CDH11: variants seen among roughly 807,000 people sequenced by gnomAD.
CDH11 encodes cadherin-11.
A neutral mutation model predicts 67.8 loss-of-function variants in CDH11; 11 were observed. The ratio of observed to expected loss-of-function variants is 0.16; its 90% CI spans 0.10 to 0.27. CDH11 has a LOEUF of 0.27. Ranked by LOEUF, CDH11 falls within the 10% of genes least tolerant of loss-of-function variation. The pLI, the probability that CDH11 is intolerant of heterozygous loss-of-function variation, is 1.00. For synonymous variants in CDH11, 419 were observed against 400.0 expected, an observed-to-expected ratio of 1.05 and a Z score of -0.57; for missense variants, 847 against 1,031.2, an observed-to-expected ratio of 0.82 and a Z score of 2.45.
chr16:64,978,771 A>G (rs1225831224), intron 8 of CDH11, among the ~76,000 whole-genome samples: 2 of 152,232 alleles, frequency 1.3e-5, no homozygotes, highest in Non-Finnish European at 1.5e-5. Flanking sequence ...CTGACAACAT[A>G]CATAAAATTA....
At chr16:65,055,153 C>T (rs368057910) in intron 1 of CDH11, among the ~76,000 whole-genome samples, 4 of 152,302 alleles carry the variant, frequency 2.6e-5, no homozygotes, top group East Asian at 3.9e-4. Context: ...CAATGCATAA[C>T]GAATGAGGAA....
chr16:65,028,601 T>G (rs2073579111), intron 2 of CDH11, among the ~76,000 whole-genome samples: 1 of 152,194 alleles, frequency 6.6e-6, no homozygotes, highest in Non-Finnish European at 1.5e-5. Context: ...GTCCTACGGC[T>G]GAGTGCTTAC....
intron 1 of CDH11, among the ~76,000 whole-genome samples, chr16:65,085,973 T>C (rs540512390): frequency 2.2e-4 from 33 of 152,338 alleles, no homozygotes; most frequent in Admixed American, 5.2e-4. Flanking sequence ...TCAACTCAAC[T>C]AGCTTTAACT....
intron 2 of CDH11, 98 bp from the exon 3 acceptor site, chr16:65,005,139 G>T: frequency 8.9e-7 from 1 of 1,121,866 alleles, no homozygotes; most frequent in Non-Finnish European, 1.1e-6. Context: ...AGTTTATCAC[G>T]TGGGAGCTAC....
upstream of CDH11, among the ~76,000 whole-genome samples, chr16:65,122,657 T>G (rs1301739990): frequency 6.6e-6 from 1 of 151,048 alleles, no homozygotes; most frequent in African/African-American, 2.4e-5. Context: ...CCCCTCTCAA[T>G]CTCCCATCCC....
At chr16:65,110,240 G>C (rs2075133587) in intron 1 of CDH11, among the ~76,000 whole-genome samples, 1 of 152,052 alleles carries the variant, frequency 6.6e-6, no homozygotes, top group Non-Finnish European at 1.5e-5. Context: ...CATTCTATAT[G>C]GCCTTTGAGA....
Position 64,998,861 on chromosome 16 carries a change from A to G in CDH11, c.229-5T>C. On this transcript the variant is annotated splice_region_variant and splice_polypyrimidine_tract_variant and intron_variant, in intron 3 of 12. Coordinates refer to ENST00000268603, the MANE Select transcript of CDH11 (RefSeq NM_001797.4). ...AGAGTCAATATCTGAATGAAGCTGG[A>G]AGAAAGAGAAATTGAGATTTTTAAT... The G allele has an allele frequency of 6.2e-7, 1 of 1,611,040 alleles. No homozygotes were observed. The highest frequency in any genetic ancestry group is 8.5e-7 in the Non-Finnish European group (1 of 1,177,624).
chr16:64,948,867 G>A lies in CDH11; in HGVS notation c.1895-768C>T, dbSNP rs1379459664. The A allele has an allele frequency of 7.0e-6, 7 of 1,004,696 alleles. No homozygotes were observed. In the Admixed American group the frequency reaches 1.1e-4, roughly 15 times the overall value. 62.2% of individuals were successfully genotyped at this position (1,004,696 alleles called of 1,614,324 possible). On this transcript the variant is annotated intron_variant, in intron 12 of 12. Transcript: ENST00000268603. ...TTCATTGATTCCCTCTTTTCCCCAA[G>A]AGGCTTCTACAATATTCCATTAGAA...
At chr16:65,107,909 AGCTATTTATCAGCAAT>A in intron 1 of CDH11, among the ~76,000 whole-genome samples, 1 of 152,296 alleles carries the variant, frequency 6.6e-6, no homozygotes, top group Middle Eastern at 3.4e-3. Context: ...AAGGCCACAC[AGCTATTTATCAGCAAT>A]GCCAGCATTG....
At chr16:65,019,083 A>G (rs949358540) in intron 2 of CDH11, among the ~76,000 whole-genome samples, 2 of 152,226 alleles carry the variant, frequency 1.3e-5, no homozygotes, top group Non-Finnish European at 2.9e-5. Context: ...ATTTATACAA[A>G]TAAAACCCAA....
chr16:65,017,816 A>T (rs142289265), intron 2 of CDH11, among the ~76,000 whole-genome samples: 3 of 152,286 alleles, frequency 2.0e-5, no homozygotes, highest in Non-Finnish European at 4.4e-5. Flanking sequence ...AGTCAATCTA[A>T]ATTGCAGAAA....
intron 2 of CDH11, among the ~76,000 whole-genome samples, chr16:65,044,160 C>A (rs1014783700): frequency 1.3e-5 from 2 of 152,090 alleles, no homozygotes; most frequent in Non-Finnish European, 2.9e-5. Context: ...CTTATTCCTG[C>A]GAAAGCCTGT....
At chr16:65,065,186 G>A (rs2074293586) in intron 1 of CDH11, among the ~76,000 whole-genome samples, 1 of 152,162 alleles carries the variant, frequency 6.6e-6, no homozygotes, top group Admixed American at 6.5e-5. Context: ...AAGCCCTACA[G>A]GAAAGTAGGT....
chr16:64,979,956 A>C (rs1050955737), intron 8 of CDH11, among the ~76,000 whole-genome samples: 4 of 152,234 alleles, frequency 2.6e-5, no homozygotes, highest in African/African-American at 9.6e-5. Flanking sequence ...ACATGCAAAA[A>C]TTCAGTTACA....
chr16:65,123,582 G>A (rs1198695820), upstream of CDH11: 8 of 152,250 alleles, frequency 5.3e-5, no homozygotes, highest in Admixed American at 2.6e-4. Context: ...ACCAGCCCGC[G>A]GGTCCCGAGC....
chr16:65,090,221 C>T (rs1169192192), intron 1 of CDH11, among the ~76,000 whole-genome samples: 1 of 151,518 alleles, frequency 6.6e-6, no homozygotes, highest in Non-Finnish European at 1.5e-5. Flanking sequence ...AAATCTAGAC[C>T]TTAAGTGTCA....
In CDH11 at chr16:64,946,700, G is replaced by A. The variant is rs1223700713; in HGVS notation, c.*903C>T. The stretch of plus-strand genomic sequence containing the variant: ...CAGATCATAAATAGGGTTATTAAAA[G>A]ATCACAATTAAATTAGAAATATAAA... On this transcript the variant is annotated 3_prime_UTR_variant, in exon 13 of 13. Transcript: ENST00000268603. 1 of 938,158 alleles carries A rather than the reference G, an allele frequency of 1.1e-6. No individual in the cohort carries two copies. Among genetic ancestry groups the A allele is most frequent in the African/African-American group, 1.8e-5 (1 of 57,000 alleles). 58.1% of individuals were successfully genotyped at this position (938,158 alleles called of 1,614,324 possible).
intron 1 of CDH11, among the ~76,000 whole-genome samples, chr16:65,085,402 C>T (rs531302697): frequency 1.3e-5 from 2 of 152,314 alleles, no homozygotes; most frequent in Admixed American, 1.3e-4. Context: ...TGTAAAATGA[C>T]ATCAGTAATT....
intron 3 of CDH11, among the ~76,000 whole-genome samples, chr16:65,004,247 C>A (rs892173929): frequency 1.3e-5 from 2 of 152,078 alleles, no homozygotes; most frequent in African/African-American, 2.4e-5. Flanking sequence ...GTGGCATGAA[C>A]CTGTAGTCCC....
Sources: gnomAD v4.1 joint callset for allele counts (sites outside exome capture counted in the v4.1 genomes callset) on GRCh38, gnomAD v4.1.1 for gene constraint, MANE v1.5 for transcripts, NCBI Gene and HGNC (gene_info 2026-07-23, HGNC 2026-07-21) for gene names.